Variants in KIF14 observed in about 807,000 individuals in gnomAD.
KIF14 encodes the protein kinesin-like protein KIF14.
KIF14 carries 98 observed loss-of-function variants against 176.2 expected under a neutral mutation model. The observed-to-expected ratio is 0.56, with a 90% confidence interval of 0.47 to 0.66. The LOEUF is 0.66. Among genes scored for constraint, KIF14 ranks in the 30% least tolerant of loss-of-function variants. The probability of loss-of-function intolerance (pLI) is 0.00; values close to 1 mark genes in which losing one functional copy is unlikely to be tolerated. For missense variants in KIF14, 1,751 were observed against 1,920.4 expected (o/e 0.91, Z 1.65); for synonymous variants, 566 against 632.2 (o/e 0.90, Z 1.57).
At chr1:200,581,041 G>A (rs1018501118) in intron 20 of KIF14, among the ~76,000 whole-genome samples, 160 bp downstream of exon 20, 2 of 148,332 alleles carry the variant, frequency 1.3e-5, no homozygotes, top group Non-Finnish European at 3.0e-5. Context: ...TTGAACCCGG[G>A]AGGTGGAGGT....
Position 200,553,217 on chromosome 1 carries a change from T to C in KIF14, c.*171A>G, listed in dbSNP as rs113754726. Reference sequence around the variant, plus strand: ...TCCCAAAGTGCTGGGATTACAGGCGTGAGCCACTGTGTCTGGCCTTTGATA... The same window carrying C: ...TCCCAAAGTGCTGGGATTACAGGCGCGAGCCACTGTGTCTGGCCTTTGATA... On this transcript the variant is annotated 3_prime_UTR_variant, in exon 30 of 30. Transcript: ENST00000367350. 16 of 654,140 alleles carry C rather than the reference T, an allele frequency of 2.4e-5. 1 individual carries two copies. The highest frequency in any genetic ancestry group is 1.7e-4 in the African/African-American group (9 of 53,716). 40.5% of individuals were successfully genotyped at this position (654,140 alleles called of 1,614,324 possible).
At chr1:200,598,184 T>C in intron 14 of KIF14, 53 bp downstream of exon 14, 1 of 1,490,820 alleles carries the variant, frequency 6.7e-7, no homozygotes, top group Middle Eastern at 1.8e-4. Context: ...AAACCACATG[T>C]TATCAAGATA....
chr1:200,612,702 C>A (rs1231751913), intron 4 of KIF14, among the ~76,000 whole-genome samples: 1 of 152,040 alleles, frequency 6.6e-6, no homozygotes, highest in African/African-American at 2.4e-5. Flanking sequence ...TTACTCAAAT[C>A]TACTTTTCCT....
chr1:200,591,309 A>G (rs945830496), intron 16 of KIF14, among the ~76,000 whole-genome samples: 1 of 151,922 alleles, frequency 6.6e-6, no homozygotes, highest in African/African-American at 2.4e-5. Context: ...TTTCCTTCCT[A>G]CCTAATCACA....
rs138464590 is a variant in KIF14, at chr1:200,585,391, A to T, written c.3241+710T>A. Among the ~76,000 whole-genome samples, 645 of 152,348 alleles carry T rather than the reference A, an allele frequency of 4.2e-3. 3 individuals carry two copies. Among genetic ancestry groups the T allele is most frequent in the African/African-American group, 0.015 (622 of 41,588 alleles). ...ATTACATCTCAGTAAAGCTAGAAAA[A>T]AAATCTCTTAAGAAAAAAATGTCTA... On this transcript the variant is annotated intron_variant, in intron 19 of 29. Coordinates refer to ENST00000367350, the MANE Select transcript of KIF14 (RefSeq NM_014875.3).
At chr1:200,572,620 A>C (rs183845151) in intron 22 of KIF14, among the ~76,000 whole-genome samples, 2 of 152,208 alleles carry the variant, frequency 1.3e-5, no homozygotes, top group Non-Finnish European at 2.9e-5. Flanking sequence ...TGGGATTACA[A>C]GCATGAGCCA....
chr1:200,614,258 G>T (rs1467599907), intron 4 of KIF14, 60 bp downstream of exon 4: 2 of 903,530 alleles, frequency 2.2e-6, no homozygotes, highest in South Asian at 2.9e-5. Flanking sequence ...TGACTGATTT[G>T]AACTTGATTT....
chr1:200,573,642 T>G (rs1032598519), intron 22 of KIF14, among the ~76,000 whole-genome samples: 5 of 152,120 alleles, frequency 3.3e-5, no homozygotes, highest in Admixed American at 1.3e-4. Flanking sequence ...TTGTATTTCA[T>G]TCAGGATAAT....
At chr1:200,554,677 G>T in intron 28 of KIF14, 71 bp from the exon 29 acceptor site, 1 of 732,056 alleles carries the variant, frequency 1.4e-6, no homozygotes, top group Non-Finnish European at 2.2e-6. Flanking sequence ...CAGTCAATAT[G>T]ATTTTAATTG....
At chr1:200,615,124 A>T in intron 3 of KIF14, among the ~76,000 whole-genome samples, 1 of 152,214 alleles carries the variant, frequency 6.6e-6, no homozygotes, top group East Asian at 1.9e-4. Context: ...AAGTACAGTA[A>T]AATGGGGCCA....
At chr1:200,602,105 A>G (rs745350557) in intron 10 of KIF14, 37 bp from the exon 11 acceptor site, 8 of 1,563,844 alleles carry the variant, frequency 5.1e-6, no homozygotes, top group Non-Finnish European at 7.0e-6. Context: ...TGCTTCTACA[A>G]CAACTTAATA....
intron 27 of KIF14, among the ~76,000 whole-genome samples, chr1:200,557,092 C>T (rs991410139): frequency 3.3e-5 from 5 of 152,224 alleles, no homozygotes; most frequent in Non-Finnish European, 7.3e-5. Flanking sequence ...CAACATCCAC[C>T]TCCCAGGTTC....
At chr1:200,556,838 T>G (rs1364567608) in intron 27 of KIF14, among the ~76,000 whole-genome samples, 1 of 152,186 alleles carries the variant, frequency 6.6e-6, no homozygotes, top group East Asian at 1.9e-4. Flanking sequence ...ATTTGAGACG[T>G]CAGTGGTGGT....
chr1:200,579,391 G>A (rs1029496593), intron 21 of KIF14, among the ~76,000 whole-genome samples: 5 of 152,224 alleles, frequency 3.3e-5, no homozygotes, highest in African/African-American at 9.6e-5. Flanking sequence ...TGGATCACCC[G>A]AGGTCAGGAG....
At chr1:200,561,074 T>C (rs1320454576) in intron 25 of KIF14, among the ~76,000 whole-genome samples, 194 bp from the exon 26 acceptor site, 1 of 151,086 alleles carries the variant, frequency 6.6e-6, no homozygotes, top group African/African-American at 2.4e-5. Flanking sequence ...CTACTAAAAA[T>C]ACAAAAATTA....
intron 5 of KIF14, 123 bp downstream of exon 5, chr1:200,608,707 C>T: frequency 3.2e-6 from 2 of 630,628 alleles, no homozygotes; most frequent in South Asian, 4.2e-5. Context: ...ACTGTAGATC[C>T]AAGCATTTGC....
chr1:200,609,146 C>T (rs769301231), intron 4 of KIF14, among the ~76,000 whole-genome samples: 2 of 152,090 alleles, frequency 1.3e-5, no homozygotes, highest in Non-Finnish European at 2.9e-5. Flanking sequence ...TGAAAAGATG[C>T]TCAACATCAT....
intron 18 of KIF14, among the ~76,000 whole-genome samples, chr1:200,587,001 C>T (rs1365508260): frequency 2.6e-5 from 4 of 151,982 alleles, no homozygotes; most frequent in East Asian, 1.9e-4. Flanking sequence ...TATAATGCAG[C>T]GGTCCCCAAC....
At chr1:200,588,472 G>T (rs183275409) in intron 18 of KIF14, among the ~76,000 whole-genome samples, 5 of 151,902 alleles carry the variant, frequency 3.3e-5, no homozygotes, top group African/African-American at 1.2e-4. Flanking sequence ...ATCTCTTAAC[G>T]TCGTAATCCA....
Sources: gnomAD v4.1 joint callset for allele counts (sites outside exome capture counted in the v4.1 genomes callset) on GRCh38, gnomAD v4.1.1 for gene constraint, MANE v1.5 for transcripts, NCBI Gene and HGNC (gene_info 2026-07-23, HGNC 2026-07-21) for gene names.